The following ATP11A variants were observed in gnomAD, a reference collection of about 807,000 sequenced individuals.
The protein encoded by ATP11A is phospholipid-transporting ATPase IH.
Under a neutral mutation model 154.4 loss-of-function variants are expected in ATP11A, and 81 were observed. The ratio of observed to expected loss-of-function variants is 0.52; its 90% CI spans 0.44 to 0.63. ATP11A has a LOEUF of 0.63. ATP11A is among the 30% of genes least tolerant of loss of function. ATP11A has a pLI of 0.00. For missense variants in ATP11A, 1,316 were observed against 1,474.3 expected, an observed-to-expected ratio of 0.89 and a Z score of 1.76; for synonymous variants, 623 against 585.9, an observed-to-expected ratio of 1.06 and a Z score of -0.91.
chr13:112,796,989 C>T (rs576824274), intron 2 of ATP11A, among the ~76,000 whole-genome samples: 30 of 152,198 alleles, frequency 2.0e-4, no homozygotes, highest in Middle Eastern at 3.4e-3. Context: ...AGGCCAGGCA[C>T]GGTGGTCACG....
intron 17 of ATP11A, among the ~76,000 whole-genome samples, chr13:112,845,543 T>TCCA (rs1566564237): frequency 1.9e-5 from 1 of 53,940 alleles, no homozygotes. Flanking sequence ...GTCCAGTTGC[T>TCCA]GGCACTAGCG....
At chr13:112,832,634 C>T (rs1044981963) in intron 13 of ATP11A, among the ~76,000 whole-genome samples, 70 of 152,194 alleles carry the variant, frequency 4.6e-4, no homozygotes, top group African/African-American at 1.5e-3. Context: ...AACGCACGCC[C>T]GTTTAGCCTT....
intron 1 of ATP11A, among the ~76,000 whole-genome samples, chr13:112,738,448 G>A (rs1891209814): frequency 1.3e-5 from 2 of 152,212 alleles, no homozygotes; most frequent in African/African-American, 4.8e-5. Flanking sequence ...TCTGCTCGTA[G>A]AGTATTGAAC....
At chr13:112,831,623 A>C (rs2079088600) in intron 13 of ATP11A, 75 bp downstream of exon 13, 3 of 1,525,756 alleles carry the variant, frequency 2.0e-6, no homozygotes, top group African/African-American at 1.4e-5. Context: ...ACCCCTTTTC[A>C]CTCGAGTGTC....
chr13:112,877,483 C>T (rs1283386932), intron 28 of ATP11A, among the ~76,000 whole-genome samples: 8 of 152,236 alleles, frequency 5.3e-5, no homozygotes, highest in Admixed American at 5.2e-4. Flanking sequence ...ACGTGGCAGA[C>T]ACACATGTAA....
intron 1 of ATP11A, among the ~76,000 whole-genome samples, chr13:112,782,840 A>G (rs867767792): frequency 6.6e-6 from 1 of 152,268 alleles, no homozygotes; most frequent in Middle Eastern, 3.4e-3. Flanking sequence ...CGCTGAGGAA[A>G]ACTGCGTCTG....
At chr13:112,725,924 G>A (rs970598480) in intron 1 of ATP11A, among the ~76,000 whole-genome samples, 7 of 152,374 alleles carry the variant, frequency 4.6e-5, no homozygotes, top group African/African-American at 1.2e-4. Flanking sequence ...CCTGAAGGAC[G>A]CCCTCAGAGC....
intron 14 of ATP11A, among the ~76,000 whole-genome samples, chr13:112,833,588 A>G (rs2079154252): frequency 6.6e-6 from 1 of 152,306 alleles, no homozygotes; most frequent in Non-Finnish European, 1.5e-5. Context: ...TCCCCTCCCC[A>G]AAAGTGCCTT....
At position 112,807,564 on chromosome 13, in the gene ATP11A, A is replaced by G. The variant is rs954539950; in HGVS notation, c.333+1271A>G. ...TCAGGCAGTTTAACTCCTACCTGGGATAAGGCCTCACTTCATGTCGGTGGC... is the reference window on the plus strand; with the variant it reads ...TCAGGCAGTTTAACTCCTACCTGGGGTAAGGCCTCACTTCATGTCGGTGGC... On this transcript the variant is annotated intron_variant, in intron 4 of 29. Transcript: ENST00000375645. The surrounding 1 kb of genome is among the most constrained non-coding windows in gnomAD (Gnocchi z 4.5). Among the ~76,000 whole-genome samples, 4 of 152,158 alleles carry G rather than the reference A, an allele frequency of 2.6e-5. No homozygotes were observed. Among genetic ancestry groups the G allele is most frequent in the South Asian group, 2.1e-4 (1 of 4,826 alleles).
chr13:112,858,167 C>T lies in ATP11A; in HGVS notation c.2544C>T (p.Arg848=). ...VGIGVIGKEG[R]QAARNSDYAI... ...TAGGTGTCATCGGCAAGGAAGGCCG[C>T]CAGGCTGCCAGGAACAGCGACTATG... Residue 848 remains arginine, a synonymous_variant, in exon 22 of 30, where the codon CGC becomes CGT. Coordinates refer to ENST00000375645, the MANE Select transcript of ATP11A (RefSeq NM_015205.3). The T allele has an allele frequency of 6.2e-7, 1 of 1,613,754 alleles. No individual in the cohort carries two copies. The highest frequency in any genetic ancestry group is 8.5e-7 in the Non-Finnish European group (1 of 1,179,868).
intron 1 of ATP11A, among the ~76,000 whole-genome samples, chr13:112,719,669 AGGTTACTTCT>A (rs1888929048): frequency 1.1e-5 from 1 of 89,944 alleles, no homozygotes; most frequent in African/African-American, 3.4e-5. Flanking sequence ...AGGTTACTTC[AGGTTACTTCT>A]TTGTAGAGGG....
chr13:112,863,850 T>A (rs2080217560), intron 25 of ATP11A, among the ~76,000 whole-genome samples: 1 of 85,204 alleles, frequency 1.2e-5, no homozygotes, highest in South Asian at 4.4e-4. Context: ...GCGCAGTAAT[T>A]CAGTGCGGCC....
At chr13:112,713,572 C>G (rs1888008587) in intron 1 of ATP11A, among the ~76,000 whole-genome samples, 1 of 152,102 alleles carries the variant, frequency 6.6e-6, no homozygotes, top group South Asian at 2.1e-4. Context: ...TGTTAAAGTG[C>G]CATCATAGCC....
chr13:112,728,693 G>A (rs1372140238), intron 1 of ATP11A, among the ~76,000 whole-genome samples: 2 of 151,880 alleles, frequency 1.3e-5, no homozygotes, highest in East Asian at 1.9e-4. Context: ...ACTGCGGCCC[G>A]CCTCCCTGTG....
intron 1 of ATP11A, among the ~76,000 whole-genome samples, chr13:112,726,552 G>A (rs78724290): frequency 0.042 from 6,452 of 152,278 alleles, 468 homozygotes; most frequent in African/African-American, 0.15. Flanking sequence ...CAAAGGGGCC[G>A]TCTGGATGGC....
chr13:112,878,832 G>A (rs1340882894), intron 29 of ATP11A, among the ~76,000 whole-genome samples: 1 of 152,246 alleles, frequency 6.6e-6, no homozygotes, highest in Non-Finnish European at 1.5e-5. Flanking sequence ...TTTCAGAAAA[G>A]GGGAGCCAGG....
At chr13:112,788,377 AATTCACACCGGTGTCCTG>A (rs1344054513) in intron 2 of ATP11A, among the ~76,000 whole-genome samples, 1 of 138,200 alleles carries the variant, frequency 7.2e-6, no homozygotes. Context: ...CCGGTGTCCT[AATTCACACCGGTGTCCTG>A]ATGTATAGAC....
rs903323415 is a variant in ATP11A, at chr13:112,885,887, C to G, written c.*4021C>G. 6.6e-6 allele frequency: 1 copy of G among 152,410 alleles called. No homozygotes were observed. Among genetic ancestry groups the G allele is most frequent in the Non-Finnish European group, 1.5e-5 (1 of 68,068 alleles). 9.4% of individuals were successfully genotyped at this position (152,410 alleles called of 1,614,324 possible). A position where few individuals can be genotyped will look rare whatever the true frequency, so the allele number is the denominator to read the frequency against. Reference sequence around the variant, plus strand: ...GCAGAGCAGGCCCCGGGGGTGAAGTCGCAGCTTCACTTACACCAGCTGCTC... The same window carrying G: ...GCAGAGCAGGCCCCGGGGGTGAAGTGGCAGCTTCACTTACACCAGCTGCTC... On this transcript the variant is annotated 3_prime_UTR_variant, in exon 30 of 30. Transcript: ENST00000375645.
At chr13:112,815,296 C>T (rs938654059) in intron 5 of ATP11A, among the ~76,000 whole-genome samples, 7 of 151,846 alleles carry the variant, frequency 4.6e-5, no homozygotes, top group Admixed American at 1.3e-4. Flanking sequence ...CCTTCCACAC[C>T]CTTCAGACAC....
Sources: allele counts gnomAD v4.1 joint callset (sites outside exome capture counted in the v4.1 genomes callset), GRCh38; gene constraint gnomAD v4.1.1; non-coding constraint Gnocchi (gnomAD v3.1); transcripts MANE v1.5; gene names NCBI Gene and HGNC (gene_info 2026-07-23, HGNC 2026-07-21).